KIF20B: variants seen among roughly 807,000 people sequenced by gnomAD.
KIF20B encodes the protein kinesin family member 20B.
A neutral mutation model predicts 232.5 loss-of-function variants in KIF20B; 188 were observed. The observed-to-expected ratio is 0.81, with a 90% CI of 0.72 to 0.91. The LOEUF (loss-of-function observed/expected upper bound fraction) is 0.91, where lower values mean the gene tolerates loss of function less well. Among genes scored for constraint, KIF20B ranks in the 40% least tolerant of loss-of-function variants. The pLI is 0.00. For missense variants in KIF20B, 2,154 were observed against 2,055.9 expected, an observed-to-expected ratio of 1.05 and a Z score of -0.92; for synonymous variants, 712 against 683.0, an observed-to-expected ratio of 1.04 and a Z score of -0.66.
intron 23 of KIF20B, among the ~76,000 whole-genome samples, chr10:89,747,876 TAAAGTATAATAA>T (rs760513764): frequency 6.1e-5 from 8 of 130,748 alleles, no homozygotes; most frequent in Non-Finnish European, 1.1e-4. Context: ...CCCTAAAACT[TAAAGTATAATAA>T]TAATAATAAT....
Position 89,738,634 on chromosome 10 carries a change from T to A in KIF20B, c.3776+17T>A, listed in dbSNP as rs1841724130. 3.3e-6 allele frequency: 5 copies of A among 1,527,866 alleles called. No individual in the cohort carries two copies. The highest frequency in any genetic ancestry group is 4.4e-6 in the Non-Finnish European group (5 of 1,145,792). 94.6% of individuals were successfully genotyped at this position (1,527,866 alleles called of 1,614,324 possible). A position where few individuals can be genotyped will look rare whatever the true frequency, so the allele number is the denominator to read the frequency against. ...AACAGAAAAGTAAGCTAAATGTTAT[T>A]CAAAATATTTTAAAATACACAAAGC... On this transcript the variant is annotated intron_variant, in intron 20 of 32. Transcript: ENST00000371728.
At chr10:89,761,790 G>T (rs1842246858) in intron 28 of KIF20B, among the ~76,000 whole-genome samples, 1 of 152,072 alleles carries the variant, frequency 6.6e-6, no homozygotes, top group Non-Finnish European at 1.5e-5. Flanking sequence ...TTGATTGCAT[G>T]GACAAACACA....
chr10:89,709,819 T>C (rs10881631), intron 4 of KIF20B, 108 bp from the exon 5 acceptor site: 231,768 of 878,748 alleles, frequency 0.26, 32,669 homozygotes, highest in African/African-American at 0.45. Context: ...GTGGCACCTA[T>C]TTTAAGAATG....
At chr10:89,766,550 G>A (rs1393669953) in intron 29 of KIF20B, 1 of 152,100 alleles carries the variant, frequency 6.6e-6, no homozygotes, top group African/African-American at 2.4e-5. Flanking sequence ...CTCAGGAGCC[G>A]ATGCAGTCAA....
chr10:89,723,815 T>A (rs1843117813), intron 13 of KIF20B, 149 bp from the exon 14 acceptor site: 1 of 704,800 alleles, frequency 1.4e-6, no homozygotes, highest in East Asian at 3.6e-5. Flanking sequence ...TGCAAACATA[T>A]AATTTTCAGT....
Position 89,760,045 on chromosome 10 carries a change from T to G in KIF20B, c.4681-481T>G, listed in dbSNP as rs372079325. On this transcript the variant is annotated intron_variant, in intron 27 of 32. Coordinates refer to ENST00000371728, the MANE Select transcript of KIF20B (RefSeq NM_001284259.2). ...TAGTTTTCCTTATGGTCTTTTGTAC[T>G]GTAATGCTATAGTTGCATTCCTGAG... Among the ~76,000 whole-genome samples the G allele has an allele frequency of 1.2e-4, 18 of 152,354 alleles. 1 individual carries two copies. In the East Asian group the frequency reaches 3.3e-3, roughly 28 times the overall value.
At chr10:89,767,890 A>G (rs1277479428) in intron 29 of KIF20B, among the ~76,000 whole-genome samples, 1 of 152,048 alleles carries the variant, frequency 6.6e-6, no homozygotes, top group South Asian at 2.1e-4. Flanking sequence ...CAAATAAAAG[A>G]TATTCCTTCC....
rs375603161 is a variant in KIF20B at position 89,774,043 on chromosome 10, A to G, written c.5458A>G (p.Lys1820Glu). The G allele has an allele frequency of 2.4e-5, 38 of 1,571,466 alleles. No homozygotes were observed. The African/African-American group carries it at 4.7e-4, about 20-fold the overall frequency. ...IKRRLRTKTA[K>E] ...ACGACGACTTCGAACAAAAACAGCC[A>G]AATAAATCACTTATGGAAATGTTTA... The change falls in exon 33 of 33, where the codon AAA becomes GAA. Residue 1820 changes from lysine (K) to glutamate (E), a missense_variant. Lys to Glu is a moderately conservative substitution (Grantham distance 56, BLOSUM62 1). Transcript: ENST00000371728.
At chr10:89,744,014 A>G (rs1841860519) in intron 22 of KIF20B, 87 bp downstream of exon 22, 4 of 1,115,298 alleles carry the variant, frequency 3.6e-6, no homozygotes, top group East Asian at 2.9e-5. Context: ...GTTTTTAATA[A>G]CATCCTGTTT....
At chr10:89,726,833 G>A (rs562730433) in intron 16 of KIF20B, among the ~76,000 whole-genome samples, 2 of 144,788 alleles carry the variant, frequency 1.4e-5, no homozygotes, top group East Asian at 2.0e-4. Flanking sequence ...TTATGACAGC[G>A]TCTCGCTCTG....
intron 18 of KIF20B, among the ~76,000 whole-genome samples, chr10:89,731,487 G>C (rs1843317033): frequency 6.6e-6 from 1 of 152,150 alleles, no homozygotes; most frequent in Non-Finnish European, 1.5e-5. Flanking sequence ...ATTAACAGTT[G>C]ATCTAGGGTC....
chr10:89,748,379 A>G (rs2133146336), intron 23 of KIF20B, among the ~76,000 whole-genome samples: 1 of 152,096 alleles, frequency 6.6e-6, no homozygotes, highest in East Asian at 1.9e-4. Flanking sequence ...CCTCCTCATT[A>G]CCCCTTAACT....
chr10:89,753,985 A>G (rs1471602765), intron 25 of KIF20B, among the ~76,000 whole-genome samples: 2 of 151,904 alleles, frequency 1.3e-5, no homozygotes, highest in African/African-American at 2.4e-5. Context: ...TTTTATATAT[A>G]TTATTAAATG....
Position 89,717,415 on chromosome 10 carries a change from G to T in KIF20B, c.1053-9G>T, listed in dbSNP as rs976245285. The T allele has an allele frequency of 6.6e-6, 10 of 1,513,610 alleles. No homozygotes were observed. Among genetic ancestry groups the T allele is most frequent in the Non-Finnish European group, 9.1e-6 (10 of 1,099,062 alleles). 93.8% of individuals were successfully genotyped at this position (1,513,610 alleles called of 1,614,324 possible). A position where few individuals can be genotyped will look rare whatever the true frequency, so the allele number is the denominator to read the frequency against. On this transcript the variant is annotated splice_polypyrimidine_tract_variant and intron_variant, in intron 9 of 32. Coordinates refer to ENST00000371728, the MANE Select transcript of KIF20B (RefSeq NM_001284259.2). ...AATGATAAGATAACATTTGATCTTTGTATTTCAGTCACAGCATATTCACTG... is the reference window on the plus strand; with the variant it reads ...AATGATAAGATAACATTTGATCTTTTTATTTCAGTCACAGCATATTCACTG...
Position 89,716,553 on chromosome 10 carries a change from G to A in KIF20B, c.1052+6G>A. The A allele has an allele frequency of 1.5e-6, 2 of 1,327,044 alleles. No individual in the cohort carries two copies. The highest frequency in any genetic ancestry group is 2.1e-6 in the Non-Finnish European group (2 of 933,724). The allele number at this position is 1,327,044 out of a possible 1,614,324, so 82.2% of individuals were successfully genotyped here. Reference sequence around the variant, plus strand: ...AATAATGCTTCCAGTAGAAGGTAAAGAATAAACTCTGTAAGAGTAAACTCG... The same window carrying A: ...AATAATGCTTCCAGTAGAAGGTAAAAAATAAACTCTGTAAGAGTAAACTCG... On this transcript the variant is annotated splice_donor_region_variant and intron_variant, in intron 9 of 32. Coordinates refer to ENST00000371728, the MANE Select transcript of KIF20B (RefSeq NM_001284259.2).
At chr10:89,739,999 G>A in intron 21 of KIF20B, among the ~76,000 whole-genome samples, 1 of 151,676 alleles carries the variant, frequency 6.6e-6, no homozygotes, top group Non-Finnish European at 1.5e-5. Context: ...ATTATTTTTT[G>A]CCCATAGCCA....
intron 9 of KIF20B, 78 bp downstream of exon 9, chr10:89,716,625 A>G: frequency 2.7e-6 from 2 of 733,870 alleles, no homozygotes; most frequent in Non-Finnish European, 2.3e-6. Flanking sequence ...CTAATTTTAC[A>G]TTAAAGTGGG....
intron 29 of KIF20B, among the ~76,000 whole-genome samples, chr10:89,763,481 A>G (rs2133169559): frequency 6.6e-6 from 1 of 152,300 alleles, no homozygotes; most frequent in Admixed American, 6.5e-5. Flanking sequence ...TTATGTAGAA[A>G]TCAGAGAAAC....
At chr10:89,768,977 C>A in intron 31 of KIF20B, 89 bp downstream of exon 31, 2 of 1,072,368 alleles carry the variant, frequency 1.9e-6, no homozygotes, top group African/African-American at 1.6e-5. Context: ...AACAGCTGTT[C>A]AGGGAATATT....
Sources: allele counts gnomAD v4.1 joint callset (sites outside exome capture counted in the v4.1 genomes callset), GRCh38; gene constraint gnomAD v4.1.1; transcripts MANE v1.5; gene names NCBI Gene and HGNC (gene_info 2026-07-23, HGNC 2026-07-21).